PDZD8: variants seen among roughly 807,000 people sequenced by gnomAD.
PDZD8 encodes PDZ domain-containing protein 8.
A neutral mutation model predicts 85.8 loss-of-function variants in PDZD8; 14 were observed. The ratio of observed to expected loss-of-function variants is 0.16; its 90% CI spans 0.11 to 0.26. The LOEUF (loss-of-function observed/expected upper bound fraction) is 0.26, where lower values mean the gene tolerates loss of function less well. Ranked by LOEUF, PDZD8 falls within the 10% of genes least tolerant of loss-of-function variation. The probability of loss-of-function intolerance (pLI) is 1.00; values close to 1 mark genes in which losing one functional copy is unlikely to be tolerated. For missense variants in PDZD8, 1,197 were observed against 1,424.3 expected, an observed-to-expected ratio of 0.84 and a Z score of 2.57; for synonymous variants, 592 against 568.6, an observed-to-expected ratio of 1.04 and a Z score of -0.59.
rs59113065 is a variant in PDZD8 at position 117,342,393 on chromosome 10, TAC to T, written c.873-1293_873-1292del. On this transcript the variant is annotated intron_variant, in intron 1 of 4. Coordinates refer to ENST00000334464, the MANE Select transcript of PDZD8 (RefSeq NM_173791.5). ...GCTTCTTACTGACCACACAAACAGA[TAC>T]ACACACACACACACACACACACACA... is the stretch of plus-strand genomic sequence containing the variant. 3.3e-3 allele frequency among the ~76,000 whole-genome samples: 474 copies of T among 145,674 alleles called. 2 individuals carry two copies. Among genetic ancestry groups the T allele is most frequent in the African/African-American group, 0.011 (432 of 39,112 alleles).
In PDZD8 at chr10:117,280,974, T is replaced by G. The variant is rs1844567839; in HGVS notation, c.*2294A>C. 1 of 152,130 alleles carries G rather than the reference T, an allele frequency of 6.6e-6. No homozygotes were observed. Among genetic ancestry groups the G allele is most frequent in the South Asian group, 2.1e-4 (1 of 4,834 alleles). 9.4% of individuals were successfully genotyped at this position (152,130 alleles called of 1,614,324 possible). ...TGGTAAGTTATTTTTTATAAAGTGG[T>G]TACACACTGAGCAGATTGCCTCAAG... is the stretch of plus-strand genomic sequence containing the variant. On this transcript the variant is annotated 3_prime_UTR_variant, in exon 5 of 5. Transcript: ENST00000334464.
At position 117,283,887 on chromosome 10, in the gene PDZD8, C is replaced by T. The variant is rs748004644; in HGVS notation, c.2846G>A (p.Arg949His). The stretch of plus-strand genomic sequence containing the variant: ...AGAAAGGCGAGTTTTAGAGACTTGA[C>T]GCAAATTTAATAAACGAGAACTAGT... The part of the protein sequence containing the change: ...INTSSRLLNL[R>H]QVSKTRLSEP... The change falls in exon 5 of 5, where the codon CGT (arginine) becomes CAT (histidine). Residue 949 changes from arginine to histidine, a missense_variant. Around this residue, in one of 4 missense-constraint regions of PDZD8, gnomAD observed 418 missense variants for 571.1 expected, o/e 0.73. Transcript: ENST00000334464. 1.4e-5 allele frequency: 23 copies of T among 1,613,998 alleles called. No homozygotes were observed. The highest frequency in any genetic ancestry group is 4.4e-5 in the South Asian group (4 of 91,074).
At chr10:117,290,053 ATTAC>A in intron 4 of PDZD8, 129 bp downstream of exon 4, 2 of 701,732 alleles carry the variant, frequency 2.9e-6, no homozygotes, top group East Asian at 6.1e-5. Flanking sequence ...AATAAAGTTT[ATTAC>A]TTTATTTCCA....
intron 1 of PDZD8, among the ~76,000 whole-genome samples, chr10:117,348,260 T>C (rs1844742812): frequency 6.6e-6 from 1 of 151,710 alleles, no homozygotes; most frequent in African/African-American, 2.4e-5. Flanking sequence ...TAAAACAAAT[T>C]ATAGTCCCTT....
At chr10:117,313,759 C>G (rs1844077597) in intron 3 of PDZD8, among the ~76,000 whole-genome samples, 1 of 59,788 alleles carries the variant, frequency 1.7e-5, no homozygotes, top group South Asian at 4.7e-4. Context: ...GATTACTTTT[C>G]CTTTACACTA....
rs374832831 is a variant in PDZD8, at chr10:117,359,539, G to A, written c.872+14817C>T. On this transcript the variant is annotated intron_variant, in intron 1 of 4. Coordinates refer to ENST00000334464, the MANE Select transcript of PDZD8 (RefSeq NM_173791.5). The stretch of plus-strand genomic sequence containing the variant: ...AGCCTGGCCAACATGGTAAAATCCC[G>A]TCTCTACTAAAAATACAAAACATCA... 5.3e-5 allele frequency among the ~76,000 whole-genome samples: 8 copies of A among 151,436 alleles called. No individual in the cohort carries two copies. In the South Asian group the frequency reaches 8.3e-4, roughly 16 times the overall value.
chr10:117,304,182 C>T (rs1843893529), intron 3 of PDZD8, among the ~76,000 whole-genome samples: 1 of 152,196 alleles, frequency 6.6e-6, no homozygotes, highest in African/African-American at 2.4e-5. Context: ...CCATGGGAAC[C>T]CACTTCTTGC....
At chr10:117,369,293 G>C (rs1048646111) in intron 1 of PDZD8, among the ~76,000 whole-genome samples, 1 of 151,752 alleles carries the variant, frequency 6.6e-6, no homozygotes, top group Non-Finnish European at 1.5e-5. Context: ...TGAGTAACTG[G>C]AATTACAGGC....
intron 1 of PDZD8, among the ~76,000 whole-genome samples, chr10:117,362,049 T>A (rs749462954): frequency 1.3e-5 from 2 of 152,156 alleles, no homozygotes; most frequent in Non-Finnish European, 2.9e-5. Flanking sequence ...TGATTATGTT[T>A]TAAGGTTATA....
At chr10:117,297,212 T>C (rs1399423347) in intron 3 of PDZD8, among the ~76,000 whole-genome samples, 1 of 152,066 alleles carries the variant, frequency 6.6e-6, no homozygotes, top group East Asian at 1.9e-4. Flanking sequence ...ATTCAAACCA[T>C]GAGATACTAC....
intron 2 of PDZD8, among the ~76,000 whole-genome samples, chr10:117,335,537 T>C (rs1484426042): frequency 1.3e-5 from 2 of 152,214 alleles, no homozygotes; most frequent in Non-Finnish European, 2.9e-5. Context: ...GTATATCTTT[T>C]TGTACAGTTC....
intron 4 of PDZD8, among the ~76,000 whole-genome samples, chr10:117,286,219 C>G (rs363296): frequency 0.11 from 15,986 of 152,158 alleles, 1,131 homozygotes; most frequent in East Asian, 0.34. Flanking sequence ...AAAAAATATT[C>G]TTTCCACCTC....
chr10:117,354,377 T>C (rs1844857564), intron 1 of PDZD8, among the ~76,000 whole-genome samples: 1 of 152,200 alleles, frequency 6.6e-6, no homozygotes, highest in Non-Finnish European at 1.5e-5. Context: ...AATTCTGGTT[T>C]TCTTCTCTTC....
At chr10:117,316,374 T>TA (rs934221963) in intron 3 of PDZD8, among the ~76,000 whole-genome samples, 1 of 152,070 alleles carries the variant, frequency 6.6e-6, no homozygotes, top group African/African-American at 2.4e-5. Context: ...AAAATTCCCT[T>TA]AAAAATAAAA....
chr10:117,363,433 G>GT (rs1845031596), intron 1 of PDZD8, among the ~76,000 whole-genome samples: 1 of 152,024 alleles, frequency 6.6e-6, no homozygotes, highest in Non-Finnish European at 1.5e-5. Flanking sequence ...AATAGAAATT[G>GT]TATCTCCCCA....
intron 1 of PDZD8, among the ~76,000 whole-genome samples, chr10:117,356,955 ACT>A (rs1844905709): frequency 6.6e-6 from 1 of 152,236 alleles, no homozygotes; most frequent in Non-Finnish European, 1.5e-5. Context: ...TAAACTTACA[ACT>A]TTTCATACAG....
intron 2 of PDZD8, among the ~76,000 whole-genome samples, chr10:117,334,379 C>T (rs992591884): frequency 6.6e-6 from 1 of 152,118 alleles, no homozygotes; most frequent in African/African-American, 2.4e-5. Context: ...GTTGGTGTCA[C>T]ATGCCTGTGG....
At chr10:117,344,849 C>T (rs1439994030) in intron 1 of PDZD8, among the ~76,000 whole-genome samples, 1 of 152,168 alleles carries the variant, frequency 6.6e-6, no homozygotes, top group Non-Finnish European at 1.5e-5. Flanking sequence ...AGGGGGATTC[C>T]TTCATTGACC....
At chr10:117,341,218 G>T in intron 1 of PDZD8, 116 bp from the exon 2 acceptor site, 1 of 1,115,844 alleles carries the variant, frequency 9.0e-7, no homozygotes. Flanking sequence ...TACTACACGT[G>T]CTCTACAAAA....
Sources: allele counts gnomAD v4.1 joint callset (sites outside exome capture counted in the v4.1 genomes callset), GRCh38; gene constraint gnomAD v4.1.1; regional missense constraint gnomAD v4.1.1; transcripts MANE v1.5; gene names NCBI Gene and HGNC (gene_info 2026-07-23, HGNC 2026-07-21).